BPIFB6: variants seen among roughly 807,000 people sequenced by gnomAD.
BPIFB6 encodes the protein BPI fold containing family B member 6.
A neutral mutation model predicts 54.7 loss-of-function variants in BPIFB6; 47 were observed. That is an observed-to-expected ratio of 0.86 (90% CI 0.68 to 1.10). BPIFB6 has a LOEUF of 1.10. Among genes scored for constraint, BPIFB6 ranks in the 50% least tolerant of loss-of-function variants. The pLI is 0.00. For missense variants in BPIFB6, 603 were observed against 564.1 expected, an observed-to-expected ratio of 1.07 and a Z score of -0.70; for synonymous variants, 255 against 225.9, an observed-to-expected ratio of 1.13 and a Z score of -1.16.
At chr20:33,043,461 G>A (rs1265212962) in intron 14 of BPIFB6, 94 bp downstream of exon 14, 1 of 1,193,806 alleles carries the variant, frequency 8.4e-7, no homozygotes. Context: ...GGAAAGGGTA[G>A]AGCCTGGGAG....
At chr20:33,040,138 C>T (rs1600526667) in intron 10 of BPIFB6, 113 bp from the exon 11 acceptor site, 2 of 949,426 alleles carry the variant, frequency 2.1e-6, no homozygotes, top group East Asian at 5.0e-5. Flanking sequence ...AGAAGATCCC[C>T]TGCTTTGTCT....
intron 9 of BPIFB6, 71 bp downstream of exon 9, chr20:33,039,033 G>A (rs1374488999): frequency 2.7e-6 from 4 of 1,503,656 alleles, no homozygotes; most frequent in African/African-American, 1.4e-5. Flanking sequence ...GTCCTGCAGT[G>A]GGACTTGGGA....
rs767170355 is a variant in BPIFB6 at position 33,040,306 on chromosome 20, C to G, written c.1130C>G (p.Thr377Ser). ...CATGAGAACCAGCTGCAGATGGCCA[C>G]TTCTTTGGACAGGTACGACCCTGCT... The part of the protein sequence containing the change: ...SVHENQLQMA[T>S]SLDRLLSLSR... Residue 377 changes from threonine (T) to serine (S), a missense_variant, in exon 11 of 15, where the codon ACT (threonine) becomes AGT (serine). Thr to Ser is a moderately conservative substitution (Grantham distance 58, BLOSUM62 1). Transcript: ENST00000349552. The G allele has an allele frequency of 2.5e-6, 4 of 1,614,080 alleles. No individual in the cohort carries two copies. In the South Asian group the frequency reaches 4.4e-5, roughly 18 times the overall value.
At position 33,035,607 on chromosome 20, in the gene BPIFB6, T is replaced by C. The variant is rs1568985718; in HGVS notation, c.517-5T>C. On this transcript the variant is annotated splice_region_variant and splice_polypyrimidine_tract_variant and intron_variant, in intron 5 of 14. Transcript: ENST00000349552. ...CTCTCAGCCCAGTGCCTTCTCTGCT[T>C]CCAGATGTGTCCCGCCATCGATGCA... The C allele has an allele frequency of 3.7e-6, 6 of 1,614,132 alleles. No individual in the cohort carries two copies. Among genetic ancestry groups the C allele is most frequent in the Non-Finnish European group, 5.1e-6 (6 of 1,180,004 alleles).
chr20:33,042,922 T>A, intron 13 of BPIFB6, 44 bp downstream of exon 13: 1 of 1,583,762 alleles, frequency 6.3e-7, no homozygotes, highest in Non-Finnish European at 8.7e-7. Context: ...CAAGAAGCAC[T>A]TTAAGCAATA....
At chr20:33,040,417 C>A in intron 11 of BPIFB6, 99 bp downstream of exon 11, 1 of 1,087,440 alleles carries the variant, frequency 9.2e-7, no homozygotes, top group Non-Finnish European at 1.4e-6. Context: ...ACCCAGCACA[C>A]CCCCAACTAC....
At chr20:33,035,296 C>T (rs956219572) in intron 5 of BPIFB6, 152 bp downstream of exon 5, 4 of 793,324 alleles carry the variant, frequency 5.0e-6, no homozygotes, top group Admixed American at 4.5e-5. Flanking sequence ...GAAGAAAGTG[C>T]CACAATCATC....
chr20:33,036,318 G>A, intron 6 of BPIFB6, 127 bp from the exon 7 acceptor site: 1 of 729,010 alleles, frequency 1.4e-6, no homozygotes, highest in Non-Finnish European at 2.4e-6. Flanking sequence ...CAGAGGCCCA[G>A]AAGTGCTAAG....
At chr20:33,043,790 C>G (rs770244318) in intron 14 of BPIFB6, among the ~76,000 whole-genome samples, 2 of 152,166 alleles carry the variant, frequency 1.3e-5, no homozygotes, top group Non-Finnish European at 2.9e-5. Flanking sequence ...CTTATCTGAT[C>G]TCTCTGCTCT....
At position 33,035,632 on chromosome 20, in the gene BPIFB6, A is replaced by G. The variant is rs756397089; in HGVS notation, c.537A>G (p.Ala179=). The G allele has an allele frequency of 3.7e-6, 6 of 1,614,066 alleles. No individual in the cohort carries two copies. The East Asian group carries it at 1.1e-4, about 30-fold the overall frequency. ...LPGLMCPAID[A]VLVYVNRKWT... Reference sequence around the variant, plus strand: ...TCCAGATGTGTCCCGCCATCGATGCAGTCCTGGTGTATGTGAACAGGAAGT... The same window carrying G: ...TCCAGATGTGTCCCGCCATCGATGCGGTCCTGGTGTATGTGAACAGGAAGT... The change falls in exon 6 of 15, where the codon GCA becomes GCG. Residue 179 remains alanine (A), a synonymous_variant. Coordinates refer to ENST00000349552, the MANE Select transcript of BPIFB6 (RefSeq NM_174897.2).
In BPIFB6 at chr20:33,039,337, G is replaced by A; in HGVS notation, c.901-10G>A. The A allele has an allele frequency of 6.2e-7, 1 of 1,604,130 alleles. No individual in the cohort carries two copies. The highest frequency in any genetic ancestry group is 8.5e-7 in the Non-Finnish European group (1 of 1,176,210). On this transcript the variant is annotated splice_polypyrimidine_tract_variant and intron_variant, in intron 9 of 14. Coordinates refer to ENST00000349552, the MANE Select transcript of BPIFB6 (RefSeq NM_174897.2). ...GACTGGCCCTGAGTGAAGTGTTCTG[G>A]TTTCTGTAGGTGGCTGTAGCTTATC...
Position 33,035,662 on chromosome 20 carries a change from C to T in BPIFB6, c.567C>T (p.Thr189=). The change falls in exon 6 of 15, where the codon ACC becomes ACT. Residue 189 remains threonine (T), a synonymous_variant. Transcript: ENST00000349552. Reference sequence around the variant, plus strand: ...TGGTGTATGTGAACAGGAAGTGGACCAACCTCAGTGGTGAGTGTAGCCCTA... The same window carrying T: ...TGGTGTATGTGAACAGGAAGTGGACTAACCTCAGTGGTGAGTGTAGCCCTA... ...AVLVYVNRKW[T]NLSDPMPVGQ... 2 of 1,614,078 alleles carry T rather than the reference C, an allele frequency of 1.2e-6. No individual in the cohort carries two copies. The highest frequency in any genetic ancestry group is 2.2e-5 in the South Asian group (2 of 91,076).
At chr20:33,033,271 G>A in intron 2 of BPIFB6, 188 bp downstream of exon 2, 5 of 678,320 alleles carry the variant, frequency 7.4e-6, no homozygotes, top group Non-Finnish European at 1.4e-5. Context: ...GACCTCCTCA[G>A]CCATTCACTG....
intron 7 of BPIFB6, 54 bp downstream of exon 7, chr20:33,036,590 A>AGT: frequency 6.7e-7 from 1 of 1,486,108 alleles, no homozygotes; most frequent in Non-Finnish European, 9.4e-7. Flanking sequence ...TGGTCTGGGT[A>AGT]GTGGGTGATG....
chr20:33,043,257 G>T (rs1342729386), intron 13 of BPIFB6, 34 bp from the exon 14 acceptor site: 1 of 1,598,012 alleles, frequency 6.3e-7, no homozygotes, highest in South Asian at 1.1e-5. Flanking sequence ...CTGCACAGCA[G>T]TCAGGCTGAT....
chr20:33,033,031 G>A lies in BPIFB6; in HGVS notation c.145G>A (p.Ala49Thr), dbSNP rs1979170200. 1 of 1,613,996 alleles carries A rather than the reference G, an allele frequency of 6.2e-7. No individual in the cohort carries two copies. Among genetic ancestry groups the A allele is most frequent in the South Asian group, 1.1e-5 (1 of 91,084 alleles). Residue 49 changes from alanine (A) to threonine (T), a missense_variant, in exon 2 of 15, where the codon GCC (alanine) becomes ACC (threonine). Ala to Thr is a moderately conservative substitution (Grantham distance 58, BLOSUM62 0). Coordinates refer to ENST00000349552, the MANE Select transcript of BPIFB6 (RefSeq NM_174897.2). ...DESHILEKMA[A>T]EAGKKQPGMK... ...GAGTCATATCCTGGAGAAGATGGCA[G>A]CCGAGGCAGGCAAGAAACAGCCAGG...
chr20:33,042,844 C>T lies in BPIFB6; in HGVS notation c.1218C>T (p.Ser406=). 1 of 1,614,206 alleles carries T rather than the reference C, an allele frequency of 6.2e-7. No homozygotes were observed. Among genetic ancestry groups the T allele is most frequent in the Non-Finnish European group, 8.5e-7 (1 of 1,180,014 alleles). Reference sequence around the variant, plus strand: ...GGGAATTAACTGGCTTCATCACCAGCTATCTCGAAGAAGCCTACATCCCAG... The same window carrying T: ...GGGAATTAACTGGCTTCATCACCAGTTATCTCGAAGAAGCCTACATCCCAG... The part of the protein sequence containing the change: ...NERELTGFIT[S]YLEEAYIPVV... The change falls in exon 13 of 15, where the codon AGC becomes AGT. Residue 406 remains serine, a synonymous_variant. Transcript: ENST00000349552.
At chr20:33,035,901 C>T (rs1979320204) in intron 6 of BPIFB6, among the ~76,000 whole-genome samples, 1 of 152,148 alleles carries the variant, frequency 6.6e-6, no homozygotes, top group Non-Finnish European at 1.5e-5. Context: ...ATCCTGAACC[C>T]CACAAGACTC....
intron 2 of BPIFB6, 147 bp from the exon 3 acceptor site, chr20:33,034,039 A>G (rs1830244862): frequency 1.5e-6 from 1 of 678,294 alleles, no homozygotes; most frequent in African/African-American, 1.8e-5. Context: ...GCATTTCATA[A>G]TGGCCCCATG....
Sources: gnomAD v4.1 joint callset for allele counts (sites outside exome capture counted in the v4.1 genomes callset) on GRCh38, gnomAD v4.1.1 for gene constraint, MANE v1.5 for transcripts, NCBI Gene and HGNC (gene_info 2026-07-23, HGNC 2026-07-21) for gene names.